GDAP1L1: variants seen among roughly 807,000 people sequenced by gnomAD.
GDAP1L1 encodes the protein ganglioside induced differentiation associated protein 1 like 1.
Under a neutral mutation model 37.1 loss-of-function variants are expected in GDAP1L1, and 21 were observed. That is an observed-to-expected ratio of 0.57 (90% CI 0.40 to 0.81). GDAP1L1 has a LOEUF of 0.81. GDAP1L1 is among the 40% of genes least tolerant of loss of function. The pLI is 0.00. For missense variants in GDAP1L1, 362 were observed against 491.6 expected (o/e 0.74, Z 2.49); for synonymous variants, 193 against 209.1 (o/e 0.92, Z 0.67).
At chr20:44,272,675 G>T (rs752384016) in intron 5 of GDAP1L1, among the ~76,000 whole-genome samples, 2 of 152,136 alleles carry the variant, frequency 1.3e-5, no homozygotes, top group African/African-American at 2.4e-5. Flanking sequence ...ACAGGGAAGG[G>T]ATCAGATACC....
intron 1 of GDAP1L1, among the ~76,000 whole-genome samples, chr20:44,250,226 T>A (rs1371925871): frequency 3.3e-5 from 5 of 152,178 alleles, no homozygotes; most frequent in African/African-American, 1.2e-4. Context: ...AGTGTGTGGG[T>A]CCAGGCCCAG....
intron 5 of GDAP1L1, among the ~76,000 whole-genome samples, chr20:44,276,460 G>GAAAGAAAGAAAGAA (rs371944330): frequency 6.4e-4 from 97 of 150,696 alleles, no homozygotes; most frequent in African/African-American, 2.3e-3. Context: ...AAGAAAGAAA[G>GAAAGAAAGAAAGAA]AAAGAAAAAG....
In GDAP1L1 at chr20:44,278,153, CAAAAAAA is replaced by C. The variant is rs3037697; in HGVS notation, c.761-792_761-786del. Among the ~76,000 whole-genome samples, 466 of 86,002 alleles carry C rather than the reference CAAAAAAA, an allele frequency of 5.4e-3. 2 individuals carry two copies. The highest frequency in any genetic ancestry group is 8.6e-3 in the Non-Finnish European group (337 of 39,220). The allele number at this position is 86,002 out of a possible 152,430, so 56.4% of individuals were successfully genotyped here. On this transcript the variant is annotated intron_variant, in intron 5 of 5. Transcript: ENST00000342560. ...TGGGCAACAGAGTGAGACTCCATCT[CAAAAAAA>C]AAAAAAAAAAAGAAAAAGAAAGAAA...
intron 5 of GDAP1L1, chr20:44,264,897 T>G: frequency 9.4e-7 from 1 of 1,058,364 alleles, no homozygotes; most frequent in East Asian, 9.5e-5. Context: ...TTAATAAAGG[T>G]AGGTGAAGAT....
intron 5 of GDAP1L1, among the ~76,000 whole-genome samples, chr20:44,267,551 C>A (rs2062467285): frequency 6.7e-6 from 1 of 150,226 alleles, no homozygotes; most frequent in African/African-American, 2.5e-5. Flanking sequence ...GCAGAGGTTG[C>A]AGTGAGCTGA....
At chr20:44,253,843 G>T (rs1381884656) in intron 1 of GDAP1L1, among the ~76,000 whole-genome samples, 1 of 152,216 alleles carries the variant, frequency 6.6e-6, no homozygotes, top group Non-Finnish European at 1.5e-5. Flanking sequence ...GCTCCAAGCA[G>T]GATTATCATG....
rs759907513 is a variant in GDAP1L1, at chr20:44,258,194, C to T, written c.374-240C>T. The T allele has an allele frequency of 6.5e-5, 47 of 717,762 alleles. 1 individual carries two copies. Among genetic ancestry groups the T allele is most frequent in the Non-Finnish European group, 1.0e-4 (40 of 385,446 alleles). The allele number at this position is 717,762 out of a possible 1,614,324, so 44.5% of individuals were successfully genotyped here. ...TCCCGCAACACTGGGTCTAGGACCC[C>T]GCCTGGCAGCAAGTCTGGAGCTGAG... On this transcript the variant is annotated intron_variant, in intron 2 of 5. Transcript: ENST00000342560.
intron 5 of GDAP1L1, among the ~76,000 whole-genome samples, chr20:44,266,453 C>A (rs1455846923): frequency 6.6e-6 from 1 of 151,928 alleles, no homozygotes; most frequent in African/African-American, 2.4e-5. Flanking sequence ...AGTCCCAGCT[C>A]TGCCATGCTC....
At position 44,247,491 on chromosome 20, in the gene GDAP1L1, A is replaced by G. The variant is rs751757180; in HGVS notation, c.157A>G (p.Thr53Ala). The G allele has an allele frequency of 2.6e-6, 4 of 1,556,308 alleles. No homozygotes were observed. Among genetic ancestry groups the G allele is most frequent in the Admixed American group, 3.9e-5 (2 of 51,398 alleles). Residue 53 changes from threonine to alanine, a missense_variant, in exon 1 of 6, where the codon ACC becomes GCC. Around this residue, in one of 2 missense-constraint regions of GDAP1L1, gnomAD observed 277 missense variants for 337.1 expected, o/e 0.82. Transcript: ENST00000342560. ...PRESLVLYHW[T>A]QSFSSQKVRL... ...GGAGAGCCTGGTTCTGTACCACTGG[A>G]CCCAGTCCTTCAGCTCGCAGAAGGT...
intron 3 of GDAP1L1, among the ~76,000 whole-genome samples, chr20:44,262,517 G>A (rs377596129): frequency 2.0e-5 from 3 of 151,860 alleles, no homozygotes; most frequent in East Asian, 3.9e-4. Flanking sequence ...ATCGGTTTCT[G>A]GCATCTACTA....
rs1164820047 is a variant in GDAP1L1 at position 44,247,682 on chromosome 20, G to A, written c.180+168G>A. Among the ~76,000 whole-genome samples, 8 of 152,070 alleles carry A rather than the reference G, an allele frequency of 5.3e-5. No homozygotes were observed. The East Asian group carries it at 1.4e-3, about 26-fold the overall frequency. On this transcript the variant is annotated intron_variant, in intron 1 of 5. Coordinates refer to ENST00000342560, the MANE Select transcript of GDAP1L1 (RefSeq NM_024034.6). Reference sequence around the variant, plus strand: ...GGTTCCTTCCAGGACTGCTCACCTGGGAAGCGACAGGCCCTGTCTGGGCCC... The same window carrying A: ...GGTTCCTTCCAGGACTGCTCACCTGAGAAGCGACAGGCCCTGTCTGGGCCC...
intron 1 of GDAP1L1, among the ~76,000 whole-genome samples, chr20:44,256,555 G>C (rs535536327): frequency 1.3e-5 from 2 of 152,000 alleles, no homozygotes; most frequent in Non-Finnish European, 2.9e-5. Flanking sequence ...CTGTAGTCGG[G>C]AGGCTGAGGC....
intron 1 of GDAP1L1, among the ~76,000 whole-genome samples, chr20:44,247,826 G>C (rs745388589): frequency 6.6e-6 from 1 of 152,128 alleles, no homozygotes; most frequent in Non-Finnish European, 1.5e-5. Context: ...AAAGGCGAGG[G>C]GAAGGGAATG....
intron 3 of GDAP1L1, among the ~76,000 whole-genome samples, chr20:44,262,242 T>C (rs1404026090): frequency 1.3e-5 from 2 of 152,034 alleles, no homozygotes; most frequent in African/African-American, 4.8e-5. Flanking sequence ...TGAAACCATC[T>C]AGGTGAGACA....
At chr20:44,254,705 G>A (rs2073506659) in intron 1 of GDAP1L1, among the ~76,000 whole-genome samples, 1 of 152,210 alleles carries the variant, frequency 6.6e-6, no homozygotes, top group African/African-American at 2.4e-5. Flanking sequence ...GTCTCTACCT[G>A]CACCATGCGC....
chr20:44,279,223 G>A lies in GDAP1L1; in HGVS notation c.1027G>A (p.Gly343Arg), dbSNP rs201609457. 20 of 1,613,936 alleles carry A rather than the reference G, an allele frequency of 1.2e-5. No homozygotes were observed. The highest frequency in any genetic ancestry group is 2.7e-5 in the African/African-American group (2 of 74,868). ...CAAGAGGAAACCCCCATCCTTCTTC[G>A]GGGCGTCCTTCCTCATGGGCTCCCT... The part of the protein sequence containing the change: ...LVKRKPPSFF[G>R]ASFLMGSLGG... Residue 343 changes from glycine to arginine, a missense_variant, in exon 6 of 6, where the codon GGG becomes AGG. Gly to Arg is a moderately radical substitution (Grantham distance 125). Coordinates refer to ENST00000342560, the MANE Select transcript of GDAP1L1 (RefSeq NM_024034.6).
At chr20:44,263,365 G>T in intron 4 of GDAP1L1, 38 bp downstream of exon 4, 1 of 1,340,880 alleles carries the variant, frequency 7.5e-7, no homozygotes, top group Non-Finnish European at 1.1e-6. Context: ...CCTTCCCTAC[G>T]AGCTCTTCCA....
chr20:44,251,920 CG>C (rs1386395530), intron 1 of GDAP1L1, among the ~76,000 whole-genome samples: 1 of 152,128 alleles, frequency 6.6e-6, no homozygotes, highest in East Asian at 1.9e-4. Context: ...TTATATAACA[CG>C]GTCTGGTGGC....
intron 5 of GDAP1L1, chr20:44,264,824 G>A (rs2146027070): frequency 8.7e-7 from 1 of 1,156,062 alleles, no homozygotes. Flanking sequence ...AAGAGCTGTT[G>A]AGACATTGTG....
Sources: allele counts gnomAD v4.1 joint callset (sites outside exome capture counted in the v4.1 genomes callset), GRCh38; gene constraint gnomAD v4.1.1; regional missense constraint gnomAD v4.1.1; transcripts MANE v1.5; gene names NCBI Gene and HGNC (gene_info 2026-07-23, HGNC 2026-07-21).